NDE1: variants seen among roughly 807,000 people sequenced by gnomAD.
The protein encoded by NDE1 is nudE neurodevelopment protein 1, also known as nuclear distribution protein nudE homolog 1.
Under a neutral mutation model 43.4 loss-of-function variants are expected in NDE1, and 28 were observed. That is an observed-to-expected ratio of 0.65 (90% CI 0.48 to 0.89). The LOEUF (loss-of-function observed/expected upper bound fraction) is 0.89. Among genes scored for constraint, NDE1 ranks in the 40% least tolerant of loss-of-function variants. The probability of loss-of-function intolerance (pLI) is 0.00; values close to 1 mark genes in which losing one functional copy is unlikely to be tolerated. For missense variants in NDE1, 441 were observed against 434.1 expected, an observed-to-expected ratio of 1.02 and a Z score of -0.14; for synonymous variants, 184 against 172.0, an observed-to-expected ratio of 1.07 and a Z score of -0.55.
At chr16:15,710,477 C>T (rs577838633) in intron 8 of NDE1, among the ~76,000 whole-genome samples, 23 of 152,110 alleles carry the variant, frequency 1.5e-4, no homozygotes, top group Admixed American at 5.9e-4. Flanking sequence ...GCCGAGATCG[C>T]GCCACTGCAC....
chr16:15,720,325 T>C lies in NDE1; in HGVS notation c.948-3866T>C, dbSNP rs1395800850. The C allele has an allele frequency of 2.5e-6, 4 of 1,612,314 alleles. No individual in the cohort carries two copies. Among genetic ancestry groups the C allele is most frequent in the African/African-American group, 1.3e-5 (1 of 74,894 alleles). ...CATACTCGTGAAGCTGGGCGAGGAA[T>C]AGAGATGTGTGCTGCCCCACTTGCC... On this transcript the variant is annotated intron_variant, in intron 8 of 8. Transcript: ENST00000396354.
intron 5 of NDE1, 84 bp downstream of exon 5, chr16:15,687,595 A>G: frequency 7.6e-7 from 1 of 1,311,146 alleles, no homozygotes; most frequent in Non-Finnish European, 1.1e-6. Context: ...TCCCAGCATT[A>G]TCTTTACAGG....
At chr16:15,687,791 C>T (rs190114089) in intron 5 of NDE1, among the ~76,000 whole-genome samples, 142 of 152,374 alleles carry the variant, frequency 9.3e-4, no homozygotes, top group African/African-American at 3.3e-3. Context: ...TATTGGGATT[C>T]TGCCTCTGGG....
chr16:15,725,400 G>A lies in NDE1; in HGVS notation c.*1149G>A. 1 of 519,918 alleles carries A rather than the reference G, an allele frequency of 1.9e-6. No homozygotes were observed. Among genetic ancestry groups the A allele is most frequent in the Non-Finnish European group, 3.3e-6 (1 of 298,958 alleles). 32.2% of individuals were successfully genotyped at this position (519,918 alleles called of 1,614,324 possible). On this transcript the variant is annotated 3_prime_UTR_variant, in exon 9 of 9. Coordinates refer to ENST00000396354, the MANE Select transcript of NDE1 (RefSeq NM_017668.3). ...TCTAAGGCTGGAGAAGGGAGACCAG[G>A]ATGGTACTTGAACGTCCCAGGGATG...
At chr16:15,678,854 A>G (rs2038023006) in intron 4 of NDE1, among the ~76,000 whole-genome samples, 1 of 152,108 alleles carries the variant, frequency 6.6e-6, no homozygotes, top group Non-Finnish European at 1.5e-5. Flanking sequence ...AGGTGGGCGG[A>G]TCACGAGGTC....
intron 1 of NDE1, among the ~76,000 whole-genome samples, chr16:15,652,986 C>T (rs887733441): frequency 2.0e-5 from 3 of 152,040 alleles, no homozygotes; most frequent in African/African-American, 4.8e-5. Context: ...ATCTCTAAAG[C>T]GATCTATGCT....
At chr16:15,661,565 C>T (rs2037047189) in intron 1 of NDE1, among the ~76,000 whole-genome samples, 1 of 151,652 alleles carries the variant, frequency 6.6e-6, no homozygotes, top group African/African-American at 2.4e-5. Flanking sequence ...TGCCCCTCAT[C>T]CTCTCGAGTA....
intron 8 of NDE1, among the ~76,000 whole-genome samples, chr16:15,697,790 C>G (rs1038400367): frequency 6.6e-6 from 1 of 151,542 alleles, no homozygotes; most frequent in Admixed American, 6.6e-5. Context: ...TCTGCTTCCC[C>G]TGAAGTTTTT....
At chr16:15,709,929 A>C (rs1016841144) in intron 8 of NDE1, among the ~76,000 whole-genome samples, 1 of 152,096 alleles carries the variant, frequency 6.6e-6, no homozygotes, top group African/African-American at 2.4e-5. Context: ...CTGGCTTTAG[A>C]GAGGGCTTGT....
intron 8 of NDE1, among the ~76,000 whole-genome samples, chr16:15,723,426 C>T (rs189689012): frequency 6.8e-4 from 104 of 152,274 alleles, no homozygotes; most frequent in African/African-American, 2.4e-3. Flanking sequence ...GCAGGCAGAT[C>T]ATGTGAGGCC....
chr16:15,681,811 T>G (rs2038197197), intron 4 of NDE1, among the ~76,000 whole-genome samples: 3 of 152,106 alleles, frequency 2.0e-5, no homozygotes, highest in African/African-American at 7.2e-5. Flanking sequence ...CCTCCCAGGT[T>G]CAAGCTATTC....
At chr16:15,692,582 G>A (rs2038805914) in intron 6 of NDE1, among the ~76,000 whole-genome samples, 1 of 151,262 alleles carries the variant, frequency 6.6e-6, no homozygotes, top group Admixed American at 6.6e-5. Flanking sequence ...GGCTAATCTT[G>A]TATTTTTAGT....
At chr16:15,718,867 C>T (rs753727101) in intron 8 of NDE1, 127 of 413,904 alleles carry the variant, frequency 3.1e-4, no homozygotes, top group Middle Eastern at 7.6e-4. Flanking sequence ...GTGGCTCACA[C>T]CTGTAATCAC....
chr16:15,724,101 A>G, intron 8 of NDE1, 90 bp from the exon 9 acceptor site: 2 of 1,608,516 alleles, frequency 1.2e-6, no homozygotes, highest in Middle Eastern at 2.2e-4. Flanking sequence ...CATACTCTGC[A>G]GAGCTGATTC....
At chr16:15,676,814 C>T (rs2037905281) in intron 3 of NDE1, among the ~76,000 whole-genome samples, 1 of 152,152 alleles carries the variant, frequency 6.6e-6, no homozygotes, top group South Asian at 2.1e-4. Flanking sequence ...CAGGCAAGAG[C>T]CACCATGCCC....
intron 1 of NDE1, among the ~76,000 whole-genome samples, chr16:15,654,959 T>C (rs1197036689): frequency 1.3e-5 from 2 of 151,946 alleles, no homozygotes; most frequent in Non-Finnish European, 2.9e-5. Flanking sequence ...TTGCAAGTCA[T>C]GTTGCCTGCT....
intron 8 of NDE1, among the ~76,000 whole-genome samples, chr16:15,723,881 T>C (rs1045413922): frequency 6.6e-6 from 1 of 152,216 alleles, no homozygotes; most frequent in African/African-American, 2.4e-5. Flanking sequence ...CATTCCTTCT[T>C]CAGGCTAGAA....
At chr16:15,662,336 G>T (rs1487581313) in intron 1 of NDE1, among the ~76,000 whole-genome samples, 6 of 142,634 alleles carry the variant, frequency 4.2e-5, no homozygotes, top group Non-Finnish European at 7.5e-5. Flanking sequence ...AGGCTTGAGT[G>T]CAGTGGCGTG....
intron 8 of NDE1, among the ~76,000 whole-genome samples, chr16:15,698,784 C>T (rs185973667): frequency 1.3e-5 from 2 of 152,000 alleles, no homozygotes; most frequent in Non-Finnish European, 2.9e-5. Flanking sequence ...TCACTTGAAC[C>T]CAGGAAGTGG....
Sources: allele counts gnomAD v4.1 joint callset (sites outside exome capture counted in the v4.1 genomes callset), GRCh38; gene constraint gnomAD v4.1.1; transcripts MANE v1.5; gene names NCBI Gene and HGNC (gene_info 2026-07-23, HGNC 2026-07-21).